CDH18: variants seen among roughly 807,000 people sequenced by gnomAD.
CDH18 encodes cadherin 18, also known as cadherin-18.
A neutral mutation model predicts 67.9 loss-of-function variants in CDH18; 31 were observed. The observed-to-expected ratio is 0.46, with a 90% CI of 0.34 to 0.62. The LOEUF (loss-of-function observed/expected upper bound fraction) is 0.62. Among genes scored for constraint, CDH18 ranks in the 20% least tolerant of loss-of-function variants. The pLI, the probability that CDH18 is intolerant of heterozygous loss-of-function variation, is 0.01. For synonymous variants in CDH18, 362 were observed against 347.2 expected, an observed-to-expected ratio of 1.04 and a Z score of -0.48; for missense variants, 890 against 975.5, an observed-to-expected ratio of 0.91 and a Z score of 1.17.
intron 5 of CDH18, among the ~76,000 whole-genome samples, chr5:19,646,612 A>G (rs888626268): frequency 6.6e-6 from 1 of 152,152 alleles, no homozygotes; most frequent in African/African-American, 2.4e-5. Flanking sequence ...AAGTGCTGGG[A>G]TTATAGGTGT....
At chr5:20,087,580 C>T (rs1336190912) in intron 2 of CDH18, among the ~76,000 whole-genome samples, 1 of 151,940 alleles carries the variant, frequency 6.6e-6, no homozygotes, top group Admixed American at 6.6e-5. Flanking sequence ...CAGTCAGCAG[C>T]CATTAGCAAC....
intron 2 of CDH18, among the ~76,000 whole-genome samples, chr5:20,182,905 T>C (rs961146038): frequency 1.2e-4 from 18 of 152,118 alleles, no homozygotes; most frequent in African/African-American, 3.1e-4. Flanking sequence ...AAGATCTCTA[T>C]ACTCAAGGTC....
intron 3 of CDH18, among the ~76,000 whole-genome samples, chr5:19,814,736 C>T (rs1432507675): frequency 1.3e-5 from 2 of 151,730 alleles, no homozygotes; most frequent in Admixed American, 6.6e-5. Context: ...TGTATTAAAA[C>T]ATTTTCCTAG....
intron 3 of CDH18, among the ~76,000 whole-genome samples, chr5:19,763,994 C>CATAAAAAAAAA (rs1772719874): frequency 1.5e-5 from 1 of 65,300 alleles, no homozygotes; most frequent in Non-Finnish European, 2.6e-5. Context: ...ACTAAAAATA[C>CATAAAAAAAAA]AAAAAAAAAA....
At position 20,253,207 on chromosome 5, in the gene CDH18, A is replaced by G. The variant is rs542027385; in HGVS notation, c.-518+2237T>C. ...CGCACAAGAATTCACTGGCACATAAAGATCTTGTACAGAGCACTAGCCCTC... is the reference window on the plus strand; with the variant it reads ...CGCACAAGAATTCACTGGCACATAAGGATCTTGTACAGAGCACTAGCCCTC... On this transcript the variant is annotated intron_variant, in intron 2 of 14. Coordinates refer to the CDH18 transcript ENST00000507958. 3.3e-5 allele frequency among the ~76,000 whole-genome samples: 5 copies of G among 152,202 alleles called. No individual in the cohort carries two copies. In the South Asian group the frequency reaches 1.0e-3, roughly 31 times the overall value.
intron 2 of CDH18, among the ~76,000 whole-genome samples, chr5:19,976,921 A>G (rs13153197): frequency 0.59 from 90,377 of 151,952 alleles, 27,186 homozygotes; most frequent in East Asian, 0.71. Flanking sequence ...AGTAGTATGG[A>G]TTAAATAACA....
intron 1 of CDH18, among the ~76,000 whole-genome samples, chr5:20,446,923 C>T (rs1750046375): frequency 6.6e-6 from 1 of 152,082 alleles, no homozygotes; most frequent in South Asian, 2.1e-4. Flanking sequence ...TTATATACCA[C>T]CTTTAGAAAA....
At chr5:20,301,089 T>C (rs1747943780) in intron 1 of CDH18, among the ~76,000 whole-genome samples, 2 of 152,326 alleles carry the variant, frequency 1.3e-5, no homozygotes, top group Middle Eastern at 3.4e-3. Flanking sequence ...TATTCTATTG[T>C]GTCTTTTTTT....
Position 19,479,926 on chromosome 5 carries a change from A to G in CDH18, c.1882+3375T>C, listed in dbSNP as rs149279874. On this transcript the variant is annotated intron_variant, in intron 12 of 12. Transcript: ENST00000382275. Reference sequence around the variant, plus strand: ...GTTCTATTACTTACCCCAAATGAGAAAACATTTTCATAAAAACCAATTAAA... The same window carrying G: ...GTTCTATTACTTACCCCAAATGAGAGAACATTTTCATAAAAACCAATTAAA... Among the ~76,000 whole-genome samples, 430 of 152,332 alleles carry G rather than the reference A, an allele frequency of 2.8e-3. 3 individuals carry two copies. Among genetic ancestry groups the G allele is most frequent in the African/African-American group, 9.7e-3 (405 of 41,580 alleles).
intron 1 of CDH18, among the ~76,000 whole-genome samples, chr5:20,533,558 G>A (rs1367856556): frequency 2.6e-5 from 4 of 152,042 alleles, no homozygotes; most frequent in Admixed American, 2.0e-4. Context: ...AAAGTGAATA[G>A]AAGGAATAAA....
intron 3 of CDH18, among the ~76,000 whole-genome samples, chr5:19,823,342 A>T (rs914521241): frequency 2.0e-5 from 3 of 152,214 alleles, no homozygotes; most frequent in African/African-American, 7.2e-5. Flanking sequence ...ATAAGTGTCC[A>T]TGAAATCTTC....
At chr5:19,682,495 C>T (rs1038784778) in intron 5 of CDH18, among the ~76,000 whole-genome samples, 2 of 151,974 alleles carry the variant, frequency 1.3e-5, no homozygotes, top group African/African-American at 4.8e-5. Context: ...CCATCCTTTT[C>T]CCATTGCTGA....
rs199581124 is a variant in CDH18 at position 19,520,608 on chromosome 5, G to A, written c.1512+49C>T. On this transcript the variant is annotated intron_variant, in intron 10 of 12. Transcript: ENST00000382275. ...ACCTAAGAATAATAAAAATAAAGGC[G>A]CTTGCATTTATTCCATTCAAATGAG... 57 of 1,517,888 alleles carry A rather than the reference G, an allele frequency of 3.8e-5. 1 individual carries two copies. The South Asian group carries it at 5.4e-4, about 14-fold the overall frequency. The allele number at this position is 1,517,888 out of a possible 1,614,324, so 94.0% of individuals were successfully genotyped here. A position where few individuals can be genotyped will look rare whatever the true frequency, so the allele number is the denominator to read the frequency against.
At chr5:20,125,774 T>C (rs1748769729) in intron 2 of CDH18, among the ~76,000 whole-genome samples, 1 of 152,100 alleles carries the variant, frequency 6.6e-6, no homozygotes. Flanking sequence ...CTGCATTTGA[T>C]TCATACCACT....
chr5:20,068,781 G>C (rs1043567815), intron 2 of CDH18, among the ~76,000 whole-genome samples: 1 of 152,090 alleles, frequency 6.6e-6, no homozygotes, highest in African/African-American at 2.4e-5. Context: ...TTTTTGGATA[G>C]AGCACATCAT....
At chr5:19,612,649 A>G in intron 5 of CDH18, 48 bp from the exon 6 acceptor site, 1 of 1,379,212 alleles carries the variant, frequency 7.3e-7, no homozygotes, top group Non-Finnish European at 1.0e-6. Context: ...ATAATAAGCA[A>G]GTATCAACAA....
chr5:19,520,711 G>C lies in CDH18; in HGVS notation c.1458C>G (p.Pro486=). ...TAATATCATATTCCCTGGCAAGTTC[G>C]GGTGGATTGTCATTGACATCCAGAA... ...IRVLDVNDNP[P]ELAREYDIIV... The change falls in exon 10 of 13, where the codon CCC becomes CCG. Residue 486 remains proline, a synonymous_variant. Transcript: ENST00000382275. 1 of 1,613,062 alleles carries C rather than the reference G, an allele frequency of 6.2e-7. No homozygotes were observed. Among genetic ancestry groups the C allele is most frequent in the South Asian group, 1.1e-5 (1 of 90,988 alleles).
intron 5 of CDH18, among the ~76,000 whole-genome samples, chr5:19,700,100 T>C (rs887251281): frequency 7.6e-4 from 115 of 152,304 alleles, no homozygotes; most frequent in African/African-American, 2.7e-3. Context: ...AAGATACAAT[T>C]ATATTTTTGT....
chr5:20,473,767 A>G (rs1165432952), intron 1 of CDH18, among the ~76,000 whole-genome samples: 2 of 152,052 alleles, frequency 1.3e-5, no homozygotes, highest in African/African-American at 2.4e-5. Flanking sequence ...ATTCTTGGTT[A>G]TTGTTGTGGT....
Sources: gnomAD v4.1 joint callset for allele counts (sites outside exome capture counted in the v4.1 genomes callset) on GRCh38, gnomAD v4.1.1 for gene constraint, MANE v1.5 for transcripts, NCBI Gene and HGNC (gene_info 2026-07-23, HGNC 2026-07-21) for gene names.